PCTP: variants seen among roughly 807,000 people sequenced by gnomAD.
PCTP encodes the protein phosphatidylcholine transfer protein, also known as START domain-containing protein 2.
Under a neutral mutation model 31.0 loss-of-function variants are expected in PCTP, and 27 were observed. The ratio of observed to expected loss-of-function variants is 0.87; its 90% CI spans 0.64 to 1.20. The LOEUF (loss-of-function observed/expected upper bound fraction) is 1.20, where lower values mean the gene tolerates loss of function less well. PCTP is among the 50% of genes most tolerant of loss of function. The pLI is 0.00. For synonymous variants in PCTP, 108 were observed against 101.2 expected (o/e 1.07, Z -0.40); for missense variants, 287 against 268.2 (o/e 1.07, Z -0.49).
At chr17:55,792,212 C>T (rs1366544364) in intron 3 of PCTP, among the ~76,000 whole-genome samples, 1 of 147,382 alleles carries the variant, frequency 6.8e-6, no homozygotes, top group Non-Finnish European at 1.5e-5. Context: ...TGCTAGATGA[C>T]GAGTTAGTGG....
In PCTP at chr17:55,776,332, C is replaced by A. The variant is rs1422937031; in HGVS notation, c.*232C>A. ...TCACTCGTCTGCTTCCTTTCTCGCT[C>A]CCCCCATCCTGGGCTGGGCTGCCTT... is the stretch of plus-strand genomic sequence containing the variant. On this transcript the variant is annotated 3_prime_UTR_variant, in exon 6 of 6. Transcript: ENST00000268896. 26 of 1,356,668 alleles carry A rather than the reference C, an allele frequency of 1.9e-5. No homozygotes were observed. Among genetic ancestry groups the A allele is most frequent in the Non-Finnish European group, 2.4e-5 (25 of 1,058,500 alleles). 84.0% of individuals were successfully genotyped at this position (1,356,668 alleles called of 1,614,324 possible).
At chr17:55,799,496 C>G (rs1444313733) in intron 3 of PCTP, among the ~76,000 whole-genome samples, 2 of 151,476 alleles carry the variant, frequency 1.3e-5, no homozygotes, top group Admixed American at 6.6e-5. Context: ...CTCCTGAATA[C>G]AGCACACCAA....
chr17:55,828,952 C>G (rs78865676), intron 5 of PCTP, among the ~76,000 whole-genome samples: 6,054 of 152,216 alleles, frequency 0.04, 171 homozygotes, highest in Middle Eastern at 0.1. Context: ...CCCAGTCCCC[C>G]CTACATGTTA....
At chr17:55,827,662 G>A (rs145883536), downstream of PCTP, among the ~76,000 whole-genome samples, 19 of 152,332 alleles carry the variant, frequency 1.2e-4, no homozygotes, top group East Asian at 3.5e-3. Flanking sequence ...TTCCCCGTTA[G>A]AGGAGACATC....
At chr17:55,771,700 C>A (rs1286483595) in intron 3 of PCTP, among the ~76,000 whole-genome samples, 1 of 152,180 alleles carries the variant, frequency 6.6e-6, no homozygotes, top group African/African-American at 2.4e-5. Context: ...TGGACACTGA[C>A]TGTAAGCTTC....
chr17:55,814,770 A>C (rs531485670), intron 3 of PCTP, among the ~76,000 whole-genome samples: 46 of 152,292 alleles, frequency 3.0e-4, no homozygotes, highest in Non-Finnish European at 4.9e-4. Flanking sequence ...GACAGACACA[A>C]CACCACTCAG....
intron 3 of PCTP, among the ~76,000 whole-genome samples, chr17:55,814,323 A>G (rs780999785): frequency 8.5e-5 from 13 of 152,224 alleles, no homozygotes; most frequent in Admixed American, 6.5e-4. Flanking sequence ...AGAAAAAAAG[A>G]TCAAAAGTGT....
chr17:55,849,704 T>C, the PCTP span, among the ~76,000 whole-genome samples: 2 of 152,086 alleles, frequency 1.3e-5, no homozygotes, highest in African/African-American at 2.4e-5. Context: ...AAAGGAAAGA[T>C]TCAATTCATT....
At chr17:55,774,449 C>A (rs902141832) in intron 4 of PCTP, among the ~76,000 whole-genome samples, 9 of 152,146 alleles carry the variant, frequency 5.9e-5, no homozygotes, top group Non-Finnish European at 1.2e-4. Flanking sequence ...AATATGTCAC[C>A]TAATTTTTAT....
intron 5 of PCTP, among the ~76,000 whole-genome samples, chr17:55,834,651 G>A (rs944976216): frequency 2.0e-5 from 3 of 152,104 alleles, no homozygotes; most frequent in Non-Finnish European, 4.4e-5. Flanking sequence ...ATGGTGTATG[G>A]GTAGAGTTTT....
At chr17:55,755,047 G>C (rs1234822095) in intron 1 of PCTP, among the ~76,000 whole-genome samples, 1 of 152,106 alleles carries the variant, frequency 6.6e-6, no homozygotes, top group Non-Finnish European at 1.5e-5. Flanking sequence ...TCAGAAAGGA[G>C]ACCAGAGACA....
intron 1 of PCTP, among the ~76,000 whole-genome samples, chr17:55,757,559 ATG>A (rs899293286): frequency 7.0e-5 from 3 of 42,808 alleles, no homozygotes; most frequent in African/African-American, 9.5e-5. Context: ...ACACATGTAT[ATG>A]TGTGTGTGTA....
intron 1 of PCTP, among the ~76,000 whole-genome samples, chr17:55,763,587 A>G (rs1910461483): frequency 6.7e-6 from 1 of 149,678 alleles, no homozygotes; most frequent in African/African-American, 2.5e-5. Context: ...TCAGTATAAT[A>G]TTTAGTTAAA....
chr17:55,832,847 G>T lies in PCTP; in HGVS notation n.506-9880G>T, dbSNP rs952095248. Among the ~76,000 whole-genome samples the T allele has an allele frequency of 5.9e-5, 9 of 152,056 alleles. No homozygotes were observed. The South Asian group carries it at 8.3e-4, about 14-fold the overall frequency. ...ATGATTTACAACATCCCATTTTTTT[G>T]ATCAGCACCCCAAGCTAAGTTGAGG... On this transcript the variant is annotated intron_variant and non_coding_transcript_variant, in intron 5 of 5. Transcript: ENST00000576221.
downstream of PCTP, among the ~76,000 whole-genome samples, chr17:55,777,889 GT>G (rs147521640): frequency 0.025 from 3,751 of 152,210 alleles, 146 homozygotes; most frequent in African/African-American, 0.078. Context: ...GTTAATAGAA[GT>G]CAAGTTGAAA....
downstream of PCTP, among the ~76,000 whole-genome samples, chr17:55,843,186 T>C (rs1906039311): frequency 6.6e-6 from 1 of 152,090 alleles, no homozygotes; most frequent in African/African-American, 2.4e-5. Context: ...TTGATAATAT[T>C]TTATATTATA....
intron 5 of PCTP, among the ~76,000 whole-genome samples, chr17:55,835,993 T>C (rs1229662040): frequency 1.3e-5 from 2 of 152,244 alleles, no homozygotes; most frequent in Non-Finnish European, 2.9e-5. Flanking sequence ...GAGATTGATA[T>C]TGGGAAGGCA....
At chr17:55,807,812 T>C (rs1012839500) in intron 3 of PCTP, among the ~76,000 whole-genome samples, 1 of 152,208 alleles carries the variant, frequency 6.6e-6, no homozygotes, top group African/African-American at 2.4e-5. Context: ...AATAATTCTC[T>C]TGAATTCAAT....
At chr17:55,755,147 C>T (rs977275405) in intron 1 of PCTP, among the ~76,000 whole-genome samples, 4 of 152,066 alleles carry the variant, frequency 2.6e-5, no homozygotes, top group African/African-American at 9.7e-5. Flanking sequence ...TAGAGTTGCT[C>T]CCCTGAAGAT....
Sources: gnomAD v4.1 joint callset for allele counts (sites outside exome capture counted in the v4.1 genomes callset) on GRCh38, gnomAD v4.1.1 for gene constraint, MANE v1.5 for transcripts, NCBI Gene and HGNC (gene_info 2026-07-23, HGNC 2026-07-21) for gene names.